The following OGT variants were observed in gnomAD, a reference collection of about 807,000 sequenced individuals.
OGT encodes UDP-N-acetylglucosamine--peptide N-acetylglucosaminyltransferase 110 kDa subunit.
Under a neutral mutation model 75.8 loss-of-function variants are expected in OGT, and 3 were observed. The observed-to-expected ratio is 0.04, with a 90% CI of 0.02 to 0.10. OGT has a LOEUF of 0.10. OGT is among the 10% of genes least tolerant of loss of function. The pLI is 1.00. For missense variants in OGT, 260 were observed against 824.4 expected (o/e 0.32, Z 8.38); for synonymous variants, 257 against 289.7 (o/e 0.89, Z 1.15).
At chrX:71,563,998 A>T (rs1307496505) in intron 18 of OGT, among the ~76,000 whole-genome samples, 1 of 112,237 alleles carries the variant, frequency 8.9e-6, no homozygotes, top group Non-Finnish European at 1.9e-5. Flanking sequence ...TCCTCTACTG[A>T]ATTGAATTAC....
chrX:71,557,231 C>T lies in OGT; in HGVS notation c.1357C>T (p.Arg453Cys), dbSNP rs763636681. The T allele has an allele frequency of 2.5e-6, 3 of 1,207,464 alleles. No individual in the cohort carries two copies. The highest frequency in any genetic ancestry group is 3.4e-6 in the Non-Finnish European group (3 of 892,882). Reference protein sequence around the residue: ...GNIPEAIASYRTALKLKPDFP... With the variant: ...GNIPEAIASYCTALKLKPDFP... ...TATTCCAGAAGCCATAGCTTCTTAC[C>T]GCACGGCTCTGAAACTTAAGCCTGA... The change falls in exon 11 of 22, where the codon CGC becomes TGC. Residue 453 changes from arginine (R) to cysteine (C), a missense_variant. Physicochemically the swap from Arg to Cys is radical, Grantham distance 180. Transcript: ENST00000373719.
chrX:71,555,002 G>A (rs1251406585), intron 6 of OGT, among the ~76,000 whole-genome samples, 188 bp from the exon 7 acceptor site: 3 of 111,683 alleles, frequency 2.7e-5, no homozygotes, highest in South Asian at 3.7e-4. Context: ...TTTTATAAAG[G>A]TGTGATTTTG....
chrX:71,557,465 G>A, intron 11 of OGT, 28 bp from the exon 12 acceptor site: 7 of 1,191,155 alleles, frequency 5.9e-6, no homozygotes, highest in Non-Finnish European at 5.7e-6. Context: ...GGACTTTCTG[G>A]ATAATAACTT....
intron 21 of OGT, 104 bp downstream of exon 21, chrX:71,568,220 G>A: frequency 1.5e-6 from 1 of 651,341 alleles, no homozygotes; most frequent in East Asian, 3.7e-5. Flanking sequence ...AGGTGAACTA[G>A]TTGTATGCCC....
At chrX:71,561,329 C>T (rs936238426) in intron 14 of OGT, among the ~76,000 whole-genome samples, 5 of 110,551 alleles carry the variant, frequency 4.5e-5, no homozygotes, top group Non-Finnish European at 9.4e-5. Flanking sequence ...AACTCCTATT[C>T]GTCTTTGAAG....
chrX:71,554,758 G>A (rs1602147105), intron 6 of OGT, among the ~76,000 whole-genome samples, 166 bp downstream of exon 6: 1 of 112,105 alleles, frequency 8.9e-6, no homozygotes, highest in Admixed American at 9.5e-5. Context: ...GATGTTGTTC[G>A]TTGCCTGACT....
intron 18 of OGT, among the ~76,000 whole-genome samples, chrX:71,563,721 C>G (rs1263437781): frequency 8.9e-6 from 1 of 111,947 alleles, no homozygotes; most frequent in Non-Finnish European, 1.9e-5. Flanking sequence ...GTGTTAATAT[C>G]TTGTTATTCC....
Position 71,533,270 on chromosome X carries a change from T to C in OGT, c.-30T>C. ...AGTGGCGGCAGCAGGACCAATTACC[T>C]CTTTTTTGCTCTCCCTCGAGAAGCT... On this transcript the variant is annotated 5_prime_UTR_variant, in exon 1 of 22. Coordinates refer to ENST00000373719, the MANE Select transcript of OGT (RefSeq NM_181672.3). 5.0e-6 allele frequency: 6 copies of C among 1,188,729 alleles called. No homozygotes were observed. The highest frequency in any genetic ancestry group is 6.8e-6 in the Non-Finnish European group (6 of 882,611).
Position 71,563,451 on chromosome X carries a change from A to T in OGT, c.2388A>T (p.Gln796His), listed in dbSNP as rs2040397501. 2 of 1,206,548 alleles carry T rather than the reference A, an allele frequency of 1.7e-6. No homozygotes were observed. Among genetic ancestry groups the T allele is most frequent in the Non-Finnish European group, 1.1e-6 (1 of 892,223 alleles). The change falls in exon 18 of 22, where the codon CAA (glutamine) becomes CAT (histidine). Residue 796 changes from glutamine to histidine, a missense_variant. Transcript: ENST00000373719. Reference protein sequence around the residue: ...VIEMINRGQIQITINGFSISN... With the variant: ...VIEMINRGQIHITINGFSISN... ...AAATGATTAACCGAGGACAGATTCA[A>T]ATAACAATTAATGGATTCAGTATTA...
chrX:71,548,682 G>C (rs1182945118), intron 5 of OGT, among the ~76,000 whole-genome samples: 1 of 111,454 alleles, frequency 9.0e-6, no homozygotes, highest in African/African-American at 3.3e-5. Flanking sequence ...AATATTGCAT[G>C]TTCTCACAAG....
chrX:71,537,082 C>G (rs903343946), intron 2 of OGT: 12 of 167,226 alleles, frequency 7.2e-5, no homozygotes, highest in Non-Finnish European at 1.3e-4. Flanking sequence ...ATTCTTCTGC[C>G]TCAGCCTCCT....
intron 4 of OGT, chrX:71,546,465 G>A: frequency 1.3e-6 from 1 of 754,060 alleles, no homozygotes; most frequent in Non-Finnish European, 1.6e-6. Context: ...GGAACGCACC[G>A]AAAAGTCACA....
intron 5 of OGT, among the ~76,000 whole-genome samples, chrX:71,551,748 G>A: frequency 8.9e-6 from 1 of 112,167 alleles, no homozygotes; most frequent in East Asian, 2.8e-4. Flanking sequence ...AAAGAGAAAA[G>A]AACACAAACC....
intron 5 of OGT, among the ~76,000 whole-genome samples, chrX:71,553,876 A>G (rs2040325257): frequency 8.9e-6 from 1 of 111,830 alleles, no homozygotes; most frequent in African/African-American, 3.2e-5. Context: ...CTTATAAAAG[A>G]TCTGAATATC....
chrX:71,568,878 ACAAAAAAAAC>A (rs1267390566), intron 21 of OGT, among the ~76,000 whole-genome samples: 2 of 110,937 alleles, frequency 1.8e-5, no homozygotes, highest in Admixed American at 9.6e-5. Context: ...AACCAAACAA[ACAAAAAAAAC>A]CAAAAAAAGA....
In OGT at chrX:71,564,581, T is replaced by C; in HGVS notation, c.2437-20T>C. 1 of 1,187,181 alleles carries C rather than the reference T, an allele frequency of 8.4e-7. No homozygotes were observed. The highest frequency in any genetic ancestry group is 1.1e-6 in the Non-Finnish European group (1 of 878,413). ...CTCCTTTTGCCTTTAAATATAACCA[T>C]CATTTTTTTCTTGTTCTAGATCAAC... On this transcript the variant is annotated intron_variant, in intron 18 of 21. Transcript: ENST00000373719.
intron 3 of OGT, among the ~76,000 whole-genome samples, chrX:71,542,639 A>G (rs1024602878): frequency 8.9e-6 from 1 of 111,813 alleles, no homozygotes; most frequent in Non-Finnish European, 1.9e-5. Flanking sequence ...TTATTGCAAG[A>G]CTTCTGATTA....
chrX:71,572,670 G>T (rs2147698402), intron 21 of OGT, among the ~76,000 whole-genome samples: 1 of 111,563 alleles, frequency 9.0e-6, no homozygotes, highest in East Asian at 2.8e-4. Flanking sequence ...GGGAGGCTGG[G>T]GCAGGAGGAT....
chrX:71,537,490 A>G (rs1057476791), intron 2 of OGT, among the ~76,000 whole-genome samples: 1 of 110,382 alleles, frequency 9.1e-6, no homozygotes, highest in Non-Finnish European at 1.9e-5. Context: ...TTTAGTGGAG[A>G]CGGGGTTTCA....
Sources: gnomAD v4.1 joint callset for allele counts (sites outside exome capture counted in the v4.1 genomes callset) on GRCh38, gnomAD v4.1.1 for gene constraint, MANE v1.5 for transcripts, NCBI Gene and HGNC (gene_info 2026-07-23, HGNC 2026-07-21) for gene names.